The following CFTR variants were observed in gnomAD, a reference collection of about 807,000 sequenced individuals.
The protein encoded by CFTR is cystic fibrosis transmembrane conductance regulator.
In CFTR, 181 loss-of-function variants were observed where a neutral mutation model predicts 171.6. The observed-to-expected ratio is 1.05, with a 90% confidence interval of 0.93 to 1.19. The LOEUF is 1.19. Ranked by LOEUF, CFTR falls within the 50% of genes most tolerant of loss-of-function variation. The pLI is 0.00. For synonymous variants in CFTR, 583 were observed against 608.0 expected, an observed-to-expected ratio of 0.96 and a Z score of 0.60; for missense variants, 1,968 against 1,734.7, an observed-to-expected ratio of 1.13 and a Z score of -2.39.
chr7:117,646,371 C>T (rs759869002), intron 23 of CFTR, among the ~76,000 whole-genome samples: 2 of 151,858 alleles, frequency 1.3e-5, no homozygotes, highest in Admixed American at 6.6e-5. Context: ...ATAATTAAGG[C>T]GGTTCATAAA....
chr7:117,538,205 T>C (rs913183687), intron 7 of CFTR, among the ~76,000 whole-genome samples: 1 of 152,200 alleles, frequency 6.6e-6, no homozygotes, highest in Non-Finnish European at 1.5e-5. Flanking sequence ...AAATATAATG[T>C]TCTGGAAGAG....
intron 24 of CFTR, among the ~76,000 whole-genome samples, chr7:117,658,873 T>C (rs930270970): frequency 2.0e-5 from 3 of 152,212 alleles, no homozygotes; most frequent in Non-Finnish European, 2.9e-5. Flanking sequence ...ATTCTGCTCT[T>C]TGCAGCTCTG....
chr7:117,628,119 A>C (rs968245526), intron 22 of CFTR, among the ~76,000 whole-genome samples: 2 of 152,178 alleles, frequency 1.3e-5, no homozygotes, highest in African/African-American at 4.8e-5. Context: ...TGCTGACTCC[A>C]TCTATTGTCT....
At position 117,667,052 on chromosome 7, in the gene CFTR, C is replaced by T. The variant is rs886044425; in HGVS notation, c.4387C>T (p.Gln1463Ter). 1 of 1,614,050 alleles carries T rather than the reference C, an allele frequency of 6.2e-7. No individual in the cohort carries two copies. Residue 1463 changes from glutamine to a stop codon, truncating the protein, a stop_gained, in exon 27 of 27, where the codon CAG becomes TAG. Transcript: ENST00000003084. LOFTEE classifies it high-confidence loss of function. ...CTCAAGCAAGTGCAAGTCTAAGCCCCAGATTGCTGCTCTGAAAGAGGAGAC... is the reference window on the plus strand; with the variant it reads ...CTCAAGCAAGTGCAAGTCTAAGCCCTAGATTGCTGCTCTGAAAGAGGAGAC... ...RNSSKCKSKP[Q>*]IAALKEETEE...
chr7:117,524,629 G>GA (rs564800104), intron 3 of CFTR, among the ~76,000 whole-genome samples: 3 of 150,818 alleles, frequency 2.0e-5, no homozygotes, highest in Non-Finnish European at 4.4e-5. Context: ...AAGTTATTTT[G>GA]AAAAAAAAAT....
chr7:117,652,773 A>C, intron 23 of CFTR, 69 bp from the exon 24 acceptor site: 1 of 777,630 alleles, frequency 1.3e-6, no homozygotes, highest in Non-Finnish European at 2.2e-6. Context: ...ATTTTACAAT[A>C]CAATAAGGGA....
In CFTR at chr7:117,509,077, A is replaced by T; in HGVS notation, c.208A>T (p.Ile70Phe). 1 of 1,613,220 alleles carries T rather than the reference A, an allele frequency of 6.2e-7. No individual in the cohort carries two copies. Among genetic ancestry groups the T allele is most frequent in the Non-Finnish European group, 8.5e-7 (1 of 1,179,410 alleles). ...GGCTTCAAAGAAAAATCCTAAACTC[A>T]TTAATGCCCTTCGGCGATGTTTTTT... is the stretch of plus-strand genomic sequence containing the variant. ...ELASKKNPKL[I>F]NALRRCFFWR... Residue 70 changes from isoleucine (I) to phenylalanine (F), a missense_variant, in exon 3 of 27, where the codon ATT becomes TTT. Coordinates refer to ENST00000003084, the MANE Select transcript of CFTR (RefSeq NM_000492.4).
At position 117,664,815 on chromosome 7, in the gene CFTR, C is replaced by T. The variant is rs397508670; in HGVS notation, c.4091C>T (p.Ala1364Val). The stretch of plus-strand genomic sequence containing the variant: ...TTGGCTAGATCTGTTCTCAGTAAGG[C>T]GAAGATCTTGCTGCTTGATGAACCC... Reference protein sequence around the residue: ...MCLARSVLSKAKILLLDEPSA... With the variant: ...MCLARSVLSKVKILLLDEPSA... Residue 1364 changes from alanine to valine, a missense_variant, in exon 25 of 27, where the codon GCG becomes GTG. Transcript: ENST00000003084. 1.8e-5 allele frequency: 29 copies of T among 1,613,954 alleles called. No homozygotes were observed. The Middle Eastern group carries it at 8.3e-4, about 46-fold the overall frequency.
At chr7:117,568,482 A>G (rs573270158) in intron 11 of CFTR, among the ~76,000 whole-genome samples, 69 of 152,286 alleles carry the variant, frequency 4.5e-4, no homozygotes, top group African/African-American at 1.5e-3. Flanking sequence ...TTCTCAGTGG[A>G]TAATTAGAAG....
rs865835117 is a variant in CFTR, at chr7:117,614,798, T to C, written c.3468+85T>C. ...AGTAATAGCATGAGGAAGAACTATA[T>C]ACCGTATATTGAGCTTAAGAAATAA... On this transcript the variant is annotated intron_variant, in intron 21 of 26. Transcript: ENST00000003084. 17 of 823,710 alleles carry C rather than the reference T, an allele frequency of 2.1e-5. No homozygotes were observed. The Middle Eastern group carries it at 9.9e-4, about 48-fold the overall frequency. 51.0% of individuals were successfully genotyped at this position (823,710 alleles called of 1,614,324 possible).
chr7:117,519,973 T>A (rs1798661042), intron 3 of CFTR, among the ~76,000 whole-genome samples: 1 of 151,980 alleles, frequency 6.6e-6, no homozygotes, highest in Admixed American at 6.6e-5. Context: ...CTATTTTACT[T>A]TCCTGATACT....
intron 9 of CFTR, among the ~76,000 whole-genome samples, chr7:117,545,536 T>C (rs1475879992): frequency 6.6e-6 from 1 of 152,168 alleles, no homozygotes; most frequent in Non-Finnish European, 1.5e-5. Flanking sequence ...CTTCCCAAGC[T>C]TCATAAACGC....
intron 21 of CFTR, among the ~76,000 whole-genome samples, 182 bp downstream of exon 21, chr7:117,614,895 A>G (rs140126392): frequency 1.1e-4 from 16 of 152,130 alleles, no homozygotes; most frequent in Non-Finnish European, 2.4e-4. Flanking sequence ...CTTCTCATAG[A>G]TAGCCACTAT....
At chr7:117,576,849 T>C (rs1179788490) in intron 11 of CFTR, among the ~76,000 whole-genome samples, 1 of 150,478 alleles carries the variant, frequency 6.6e-6, no homozygotes, top group Non-Finnish European at 1.5e-5. Context: ...GGCTATACCT[T>C]AATTGTCTCT....
At chr7:117,482,463 A>G (rs1798012481) in intron 1 of CFTR, among the ~76,000 whole-genome samples, 1 of 152,172 alleles carries the variant, frequency 6.6e-6, no homozygotes, top group African/African-American at 2.4e-5. Flanking sequence ...CATCTGAACT[A>G]TCATAATCCA....
intron 20 of CFTR, among the ~76,000 whole-genome samples, chr7:117,613,734 A>C (rs959819555): frequency 1.1e-4 from 16 of 152,138 alleles, no homozygotes; most frequent in African/African-American, 3.9e-4. Context: ...GGAATTGCAG[A>C]AACAAAAATT....
At chr7:117,660,686 G>A (rs771587688) in intron 24 of CFTR, among the ~76,000 whole-genome samples, 18 of 151,184 alleles carry the variant, frequency 1.2e-4, no homozygotes, top group Non-Finnish European at 2.1e-4. Flanking sequence ...GTGTGTGTGT[G>A]TGTATATACA....
At chr7:117,588,919 C>T (rs1231858241) in intron 12 of CFTR, among the ~76,000 whole-genome samples, 3 of 151,998 alleles carry the variant, frequency 2.0e-5, no homozygotes, top group African/African-American at 4.8e-5. Flanking sequence ...AATTCACAGG[C>T]TTCTAAATAA....
chr7:117,501,747 C>CAAAAAAAAAAAAAAAAAAAAAAAAAAACA (rs1212853305), intron 1 of CFTR, among the ~76,000 whole-genome samples: 1 of 43,902 alleles, frequency 2.3e-5, no homozygotes, highest in Non-Finnish European at 4.8e-5. Context: ...AACTCTGTCT[C>CAAAAAAAAAAAAAAAAAAAAAAAAAAACA]AAAAAAAAAA....
Sources: gnomAD v4.1 joint callset for allele counts (sites outside exome capture counted in the v4.1 genomes callset) on GRCh38, gnomAD v4.1.1 for gene constraint, MANE v1.5 for transcripts, NCBI Gene and HGNC (gene_info 2026-07-23, HGNC 2026-07-21) for gene names.